SPATA31H1: variants seen among roughly 807,000 people sequenced by gnomAD.
SPATA31H1 encodes the protein spermatogenesis-associated protein 31H1.
the SPATA31H1 span, chr2:27,581,565 T>C: frequency 0.54 from 848,229 of 1,560,680 alleles, 230,376 homozygotes; most frequent in East Asian, 0.86. Flanking sequence ...CCATCGCAGT[T>C]CCTCTGAGAG....
the SPATA31H1 span, chr2:27,577,288 C>T: frequency 1.9e-6 from 3 of 1,614,072 alleles, no homozygotes; most frequent in Non-Finnish European, 2.5e-6. The surrounding 1 kb of genome is among the most constrained non-coding windows in gnomAD (Gnocchi z 4.5). Context: ...GAATTGCTCT[C>T]TCAGTCACGG....
At chr2:27,562,227 C>T in the SPATA31H1 span, among the ~76,000 whole-genome samples, 7 of 151,976 alleles carry the variant, frequency 4.6e-5, no homozygotes, top group Non-Finnish European at 1.0e-4. Context: ...ATCAGTAGGC[C>T]TTTATTTTGT....
At chr2:27,565,593 A>G in the SPATA31H1 span, among the ~76,000 whole-genome samples, 1 of 152,102 alleles carries the variant, frequency 6.6e-6, no homozygotes, top group Non-Finnish European at 1.5e-5. Context: ...CTTTCCTTAT[A>G]CTTCCTTTCC....
At chr2:27,556,791 G>A in the SPATA31H1 span, among the ~76,000 whole-genome samples, 1 of 126,820 alleles carries the variant, frequency 7.9e-6, no homozygotes, top group East Asian at 2.2e-4. Context: ...ATAGTGGAGG[G>A]AAGGTCAGCA....
chr2:27,558,785 C>T, the SPATA31H1 span, among the ~76,000 whole-genome samples: 3 of 105,622 alleles, frequency 2.8e-5, no homozygotes, highest in East Asian at 8.3e-4. Context: ...CCTGCAATCG[C>T]AGGCACTCGG....
At chr2:27,539,405 A>T in the SPATA31H1 span, among the ~76,000 whole-genome samples, 2 of 123,512 alleles carry the variant, frequency 1.6e-5, no homozygotes. Flanking sequence ...TGGACACAGC[A>T]CATGTTTCAG....
the SPATA31H1 span, among the ~76,000 whole-genome samples, chr2:27,553,733 C>A: frequency 1.3e-5 from 2 of 151,026 alleles, no homozygotes; most frequent in African/African-American, 4.9e-5. Context: ...ACCAGCCTGG[C>A]CAACATGGTG....
At chr2:27,582,365 G>A in the SPATA31H1 span, 2 of 1,614,220 alleles carry the variant, frequency 1.2e-6, no homozygotes, top group South Asian at 2.2e-5. Flanking sequence ...CCTCTGAGAG[G>A]AGCCGACGCA....
the SPATA31H1 span, chr2:27,580,389 G>A: frequency 6.2e-7 from 1 of 1,614,026 alleles, no homozygotes; most frequent in East Asian, 2.2e-5. Flanking sequence ...CACTCAGAAT[G>A]AAAAACGGGC....
chr2:27,580,288 G>C, the SPATA31H1 span: 1 of 1,614,150 alleles, frequency 6.2e-7, no homozygotes, highest in East Asian at 2.2e-5. Flanking sequence ...CAACGCAGCA[G>C]GCCTGACTTA....
chr2:27,567,231 C>T, the SPATA31H1 span: 1 of 619,314 alleles, frequency 1.6e-6, no homozygotes, highest in South Asian at 2.0e-5. Flanking sequence ...GAGACCACGA[C>T]TTCCAAGGTG....
At chr2:27,578,611 A>G in the SPATA31H1 span, 2 of 1,614,058 alleles carry the variant, frequency 1.2e-6, no homozygotes, top group Admixed American at 1.7e-5. Context: ...ACTCATAAAC[A>G]AGGGCTTCAG....
the SPATA31H1 span, among the ~76,000 whole-genome samples, chr2:27,554,182 C>T: frequency 1.3e-5 from 2 of 152,008 alleles, no homozygotes; most frequent in African/African-American, 2.4e-5. Flanking sequence ...GAAGCTTTCT[C>T]TACAATTCTC....
the SPATA31H1 span, chr2:27,579,377 G>A: frequency 6.2e-7 from 1 of 1,614,208 alleles, no homozygotes. Context: ...CAGCTGAACT[G>A]ATGGAACCTT....
chr2:27,562,561 A>G, the SPATA31H1 span, among the ~76,000 whole-genome samples: 1 of 148,530 alleles, frequency 6.7e-6, no homozygotes, highest in African/African-American at 2.5e-5. Flanking sequence ...ATATACAGAC[A>G]CACACACACA....
chr2:27,550,060 ATTAT>A, the SPATA31H1 span, among the ~76,000 whole-genome samples: 5 of 151,966 alleles, frequency 3.3e-5, no homozygotes, highest in Non-Finnish European at 5.9e-5. Flanking sequence ...ATCAATTCTA[ATTAT>A]TTATCTATAG....
At chr2:27,549,102 G>A in the SPATA31H1 span, among the ~76,000 whole-genome samples, 1 of 150,934 alleles carries the variant, frequency 6.6e-6, no homozygotes, top group Non-Finnish European at 1.5e-5. Context: ...AAAAGAAATG[G>A]GTTATTTGTC....
chr2:27,579,955 C>T, the SPATA31H1 span: 1 of 1,614,156 alleles, frequency 6.2e-7, no homozygotes, highest in Admixed American at 1.7e-5. Flanking sequence ...GGCCGATGTT[C>T]AGGACTTAAT....
At chr2:27,571,240 C>T in the SPATA31H1 span, 35 of 398,270 alleles carry the variant, frequency 8.8e-5, no homozygotes, top group Non-Finnish European at 1.5e-4. Context: ...GAGGTAACCC[C>T]GGGCTCAAAG....
Sources: gnomAD v4.1 joint callset for allele counts (sites outside exome capture counted in the v4.1 genomes callset) on GRCh38, gnomAD v4.1.1 for gene constraint, Gnocchi (gnomAD v3.1) non-coding constraint, MANE v1.5 for transcripts, NCBI Gene and HGNC (gene_info 2026-07-23, HGNC 2026-07-21) for gene names.